PGBD5: variants seen among roughly 807,000 people sequenced by gnomAD.
PGBD5 encodes piggyBac transposable element derived 5.
In PGBD5, 14 loss-of-function variants were observed where a neutral mutation model predicts 47.9. The ratio of observed to expected loss-of-function variants is 0.29; its 90% CI spans 0.19 to 0.46. PGBD5 has a LOEUF of 0.46. Among genes scored for constraint, PGBD5 ranks in the 20% least tolerant of loss-of-function variants. The probability of loss-of-function intolerance (pLI) is 1.00; values close to 1 mark genes in which losing one functional copy is unlikely to be tolerated. For synonymous variants in PGBD5, 316 were observed against 306.3 expected (o/e 1.03, Z -0.33); for missense variants, 635 against 716.0 (o/e 0.89, Z 1.29).
chr1:230,399,175 A>G (rs1490650655), intron 1 of PGBD5, among the ~76,000 whole-genome samples: 1 of 152,142 alleles, frequency 6.6e-6, no homozygotes, highest in African/African-American at 2.4e-5. Flanking sequence ...TTTCAAATAA[A>G]CAAGTAATTT....
chr1:230,375,652 CT>C (rs199545872), intron 1 of PGBD5, among the ~76,000 whole-genome samples: 151 of 105,638 alleles, frequency 1.4e-3, no homozygotes, highest in African/African-American at 3.3e-3. Flanking sequence ...TCCTATTTGA[CT>C]TTTTTTTTTT....
In PGBD5 at chr1:230,332,832, A is replaced by T. The variant is rs765736709; in HGVS notation, c.1273+12T>A. The T allele has an allele frequency of 3.7e-6, 6 of 1,614,044 alleles. No homozygotes were observed. Among genetic ancestry groups the T allele is most frequent in the Admixed American group, 1.7e-5 (1 of 60,024 alleles). On this transcript the variant is annotated intron_variant, in intron 5 of 6. Coordinates refer to ENST00000391860, the MANE Select transcript of PGBD5 (RefSeq NM_001258311.2). ...GCGCGCCCCACTGTGTCAATGGCGG[A>T]CCCGCACTCACCCTGCTGCACCGGG... is the stretch of plus-strand genomic sequence containing the variant.
chr1:230,360,655 G>A lies in PGBD5; in HGVS notation c.332-3334C>T, dbSNP rs114902062. Among the ~76,000 whole-genome samples the A allele has an allele frequency of 3.8e-3, 583 of 152,178 alleles. 4 individuals carry two copies. The highest frequency in any genetic ancestry group is 0.014 in the African/African-American group (562 of 41,512). ...AAGAAGGTGCCTTTCTTCCCCTTCCGCCATGATTGTAAGTTTCCTGAGGTC... is the reference window on the plus strand; with the variant it reads ...AAGAAGGTGCCTTTCTTCCCCTTCCACCATGATTGTAAGTTTCCTGAGGTC... On this transcript the variant is annotated intron_variant, in intron 1 of 6. Transcript: ENST00000391860.
At chr1:230,378,709 G>A (rs1023466105) in intron 1 of PGBD5, among the ~76,000 whole-genome samples, 18 of 152,176 alleles carry the variant, frequency 1.2e-4, no homozygotes, top group Non-Finnish European at 2.5e-4. Flanking sequence ...GAGCATGGAA[G>A]CTTCCCTTGC....
At chr1:230,367,938 C>T (rs2632571) in intron 1 of PGBD5, 962,325 of 1,362,956 alleles carry the variant, frequency 0.71, 344,832 homozygotes, top group Non-Finnish European at 0.74. Context: ...CTCAAGGTCA[C>T]GCAAGCTGGC....
Position 230,425,316 on chromosome 1 carries a change from G to A in PGBD5, c.331+282C>T, listed in dbSNP as rs1443671617. On this transcript the variant is annotated intron_variant, in intron 1 of 6. Transcript: ENST00000391860. The surrounding 1 kb of genome is among the most constrained non-coding windows in gnomAD (Gnocchi z 4.7). ...CCCACAGGTGTGACAGACTTCCCAT[G>A]CAGGGGCTGGGGTGCTCCCAGGAAG... Among the ~76,000 whole-genome samples the A allele has an allele frequency of 6.6e-6, 1 of 152,180 alleles. No homozygotes were observed.
intron 3 of PGBD5, among the ~76,000 whole-genome samples, chr1:230,345,856 G>A (rs1016831663): frequency 6.6e-6 from 1 of 152,136 alleles, no homozygotes; most frequent in African/African-American, 2.4e-5. Flanking sequence ...AGTAAACTAG[G>A]CTAAACTATG....
In PGBD5 at chr1:230,423,187, TC is replaced by T. The variant is rs1364319748; in HGVS notation, c.331+2410del. Among the ~76,000 whole-genome samples the T allele has an allele frequency of 2.0e-5, 3 of 152,302 alleles. No homozygotes were observed. The East Asian group carries it at 5.8e-4, about 29-fold the overall frequency. On this transcript the variant is annotated intron_variant, in intron 1 of 6. Transcript: ENST00000391860. The stretch of plus-strand genomic sequence containing the variant: ...AGCAAGGCAGGAAGCCTCTATCAAA[TC>T]TCGATTCTGTGCTTTCCTCATCTGA...
intron 5 of PGBD5, among the ~76,000 whole-genome samples, chr1:230,332,429 A>C (rs1446733740): frequency 1.3e-5 from 2 of 152,238 alleles, no homozygotes; most frequent in African/African-American, 4.8e-5. Context: ...CAGCGGATGA[A>C]CCAGACAGCG....
chr1:230,339,767 G>GT (rs1553282599), intron 3 of PGBD5, among the ~76,000 whole-genome samples: 1 of 152,202 alleles, frequency 6.6e-6, no homozygotes, highest in Non-Finnish European at 1.5e-5. Context: ...GAGAAACACT[G>GT]TATGATCCCA....
chr1:230,408,798 T>C (rs547832658), intron 1 of PGBD5, among the ~76,000 whole-genome samples: 1 of 152,252 alleles, frequency 6.6e-6, no homozygotes, highest in African/African-American at 2.4e-5. Flanking sequence ...TTCAAACTTG[T>C]CAGTGGTTTC....
At chr1:230,344,997 T>C (rs12047376) in intron 3 of PGBD5, among the ~76,000 whole-genome samples, 1 of 152,278 alleles carries the variant, frequency 6.6e-6, no homozygotes, top group East Asian at 1.9e-4. Context: ...TGTTCATCCA[T>C]CTGTCAACAT....
intron 1 of PGBD5, among the ~76,000 whole-genome samples, chr1:230,396,369 TCC>T (rs1045747716): frequency 8.8e-6 from 1 of 113,454 alleles, no homozygotes; most frequent in African/African-American, 3.5e-5. Context: ...TTCACCCTCC[TCC>T]CCCTTTGCTC....
intron 6 of PGBD5, 39 bp downstream of exon 6, chr1:230,325,271 A>G (rs778732051): frequency 6.9e-7 from 1 of 1,442,076 alleles, no homozygotes; most frequent in African/African-American, 1.4e-5. Context: ...CGGCACAACT[A>G]TGAGAGCCCT....
In PGBD5 at chr1:230,314,581, C is replaced by CTTTTT. The variant is rs3045440; in HGVS notation, c.*8839_*8843dup. The CTTTTT allele has an allele frequency of 1.1e-5, 1 of 88,384 alleles. No homozygotes were observed. The highest frequency in any genetic ancestry group is 4.1e-5 in the African/African-American group (1 of 24,672). 5.5% of individuals were successfully genotyped at this position (88,384 alleles called of 1,614,324 possible). On this transcript the variant is annotated 3_prime_UTR_variant, in exon 7 of 7. Coordinates refer to ENST00000391860, the MANE Select transcript of PGBD5 (RefSeq NM_001258311.2). ...ACATGACAAAATGCTTGAATTAAAT[C>CTTTTT]TTTTTTTTTTTTTTTTTTTTTTTTG... is the stretch of plus-strand genomic sequence containing the variant.
chr1:230,346,165 C>T (rs1667470659), intron 3 of PGBD5, among the ~76,000 whole-genome samples: 1 of 152,180 alleles, frequency 6.6e-6, no homozygotes, highest in Admixed American at 6.5e-5. Context: ...GCCTCAGCCA[C>T]CCAAGTAGCT....
chr1:230,332,805 C>T, intron 5 of PGBD5, 39 bp downstream of exon 5: 2 of 1,611,818 alleles, frequency 1.2e-6, no homozygotes, highest in Non-Finnish European at 1.7e-6. Flanking sequence ...CAACCAATCC[C>T]CGCGCGCCCC....
chr1:230,383,238 TA>T (rs201185270), intron 1 of PGBD5, among the ~76,000 whole-genome samples: 4 of 151,894 alleles, frequency 2.6e-5, no homozygotes, highest in East Asian at 3.9e-4. Flanking sequence ...CCCAGCTAAT[TA>T]AAAAAATTTT....
At chr1:230,403,807 C>G (rs377366794) in intron 1 of PGBD5, among the ~76,000 whole-genome samples, 1 of 152,158 alleles carries the variant, frequency 6.6e-6, no homozygotes, top group Middle Eastern at 3.2e-3. Context: ...GAGTGATAAC[C>G]CCTTCCAAGA....
Sources: allele counts gnomAD v4.1 joint callset (sites outside exome capture counted in the v4.1 genomes callset), GRCh38; gene constraint gnomAD v4.1.1; non-coding constraint Gnocchi (gnomAD v3.1); transcripts MANE v1.5; gene names NCBI Gene and HGNC (gene_info 2026-07-23, HGNC 2026-07-21).